The following LOXHD1 variants were observed in gnomAD, a reference collection of about 807,000 sequenced individuals.
The protein encoded by LOXHD1 is lipoxygenase homology PLAT domains 1.
In LOXHD1, 205 loss-of-function variants were observed where a neutral mutation model predicts 248.2. The observed-to-expected ratio is 0.83, with a 90% CI of 0.74 to 0.93. The LOEUF is 0.93. Ranked by LOEUF, LOXHD1 falls within the 40% of genes least tolerant of loss-of-function variation. The pLI, the probability that LOXHD1 is intolerant of heterozygous loss-of-function variation, is 0.00. For synonymous variants in LOXHD1, 1,113 were observed against 1,162.8 expected, an observed-to-expected ratio of 0.96 and a Z score of 0.87; for missense variants, 2,930 against 2,971.6, an observed-to-expected ratio of 0.99 and a Z score of 0.33.
chr18:46,542,559 T>C (rs559331058), intron 24 of LOXHD1, among the ~76,000 whole-genome samples, 168 bp downstream of exon 24: 45 of 152,330 alleles, frequency 3.0e-4, no homozygotes, highest in African/African-American at 1.1e-3. Context: ...AAACTCTGTG[T>C]GCAGCTGAGG....
At chr18:46,582,657 G>T (rs2037985641) in intron 12 of LOXHD1, among the ~76,000 whole-genome samples, 1 of 152,202 alleles carries the variant, frequency 6.6e-6, no homozygotes, top group Non-Finnish European at 1.5e-5. Flanking sequence ...AAAAGCCGGA[G>T]TGTGGTGGCC....
intron 5 of LOXHD1, among the ~76,000 whole-genome samples, chr18:46,611,732 A>T (rs935358530): frequency 6.6e-6 from 1 of 152,186 alleles, no homozygotes; most frequent in Non-Finnish European, 1.5e-5. Flanking sequence ...ACAGATACTA[A>T]CATTTTGTCC....
At chr18:46,649,383 A>G (rs2039078479) in intron 1 of LOXHD1, 114 bp from the exon 2 acceptor site, 1 of 817,454 alleles carries the variant, frequency 1.2e-6, no homozygotes, top group Non-Finnish European at 2.0e-6. Context: ...GACTCTTGGA[A>G]TCCCTGCTGC....
intron 38 of LOXHD1, among the ~76,000 whole-genome samples, chr18:46,488,622 G>A (rs1245649747): frequency 3.9e-5 from 6 of 152,152 alleles, no homozygotes; most frequent in African/African-American, 1.4e-4. Flanking sequence ...AGGAAGCGTT[G>A]ATTAGGCAGC....
rs1228604442 is a variant in LOXHD1, at chr18:46,577,814, C to A, written c.1863G>T (p.Arg621Ser). 1.9e-6 allele frequency: 3 copies of A among 1,551,584 alleles called. No individual in the cohort carries two copies. Among genetic ancestry groups the A allele is most frequent in the Non-Finnish European group, 2.6e-6 (3 of 1,147,006 alleles). Residue 621 changes from arginine (R) to serine (S), a missense_variant, in exon 14 of 41, where the codon AGG (arginine) becomes AGT (serine). By Grantham distance (110) the Arg-to-Ser change is moderately radical. Coordinates refer to ENST00000642948, the MANE Select transcript of LOXHD1 (RefSeq NM_001384474.1). ...SVTMRNVRRV[R>S]IRHDGKGSGS... ...CGGAGCCTTTGCCATCGTGTCTGAT[C>A]CTCACCCGCCTCACATTCCGCATGG...
At chr18:46,526,040 C>T (rs1454185679) in intron 29 of LOXHD1, among the ~76,000 whole-genome samples, 1 of 152,086 alleles carries the variant, frequency 6.6e-6, no homozygotes, top group Non-Finnish European at 1.5e-5. Context: ...AAGGCAGCTG[C>T]AGGTAAATAG....
intron 27 of LOXHD1, 138 bp downstream of exon 27, chr18:46,534,197 G>A: frequency 4.9e-6 from 3 of 614,084 alleles, no homozygotes; most frequent in Non-Finnish European, 8.6e-6. Flanking sequence ...CACTCTGAGT[G>A]AACTGGGTGA....
chr18:46,647,744 G>A (rs938591742), intron 2 of LOXHD1, among the ~76,000 whole-genome samples: 2 of 152,164 alleles, frequency 1.3e-5, no homozygotes, highest in South Asian at 2.1e-4. Flanking sequence ...CCCATGTCAC[G>A]TGGGGCCTGG....
intron 23 of LOXHD1, among the ~76,000 whole-genome samples, chr18:46,544,169 G>T (rs1244042628): frequency 6.6e-6 from 1 of 152,206 alleles, no homozygotes; most frequent in African/African-American, 2.4e-5. Flanking sequence ...ACTGGTTTAA[G>T]TATACAGAGA....
At chr18:46,551,947 G>GACACA (rs929785184) in intron 21 of LOXHD1, among the ~76,000 whole-genome samples, 14 of 152,230 alleles carry the variant, frequency 9.2e-5, no homozygotes, top group Non-Finnish European at 1.5e-5. Context: ...AAACAAGCTA[G>GACACA]ACACAAAAAG....
chr18:46,535,911 T>C (rs1409113902), intron 26 of LOXHD1, among the ~76,000 whole-genome samples: 3 of 152,072 alleles, frequency 2.0e-5, no homozygotes, highest in Non-Finnish European at 4.4e-5. Context: ...ATGTGGCCTT[T>C]AGGGGACAGC....
chr18:46,496,014 A>T (rs2033841855), intron 37 of LOXHD1, among the ~76,000 whole-genome samples: 1 of 152,226 alleles, frequency 6.6e-6, no homozygotes, highest in Admixed American at 6.5e-5. Context: ...CCTGGGTGAC[A>T]GAGTGAAACT....
chr18:46,622,116 T>C (rs541404587), intron 4 of LOXHD1, among the ~76,000 whole-genome samples: 3 of 152,336 alleles, frequency 2.0e-5, no homozygotes, highest in Non-Finnish European at 2.9e-5. Flanking sequence ...ATCCAGGGCT[T>C]TTCCCAGGAT....
At position 46,489,046 on chromosome 18, in the gene LOXHD1, C is replaced by T; in HGVS notation, c.5975G>A (p.Ser1992Asn). The change falls in exon 38 of 41, where the codon AGT becomes AAT. Residue 1992 changes from serine (S) to asparagine (N), a missense_variant. Transcript: ENST00000642948. ...GCGGACCGTCTGCCCGTCACCCTCA[C>T]TCTTGGAGAGCCAGCAGTCACACTG... ...HFQCDCWLSK[S>N]EGDGQTVRDF... 2 of 1,551,716 alleles carry T rather than the reference C, an allele frequency of 1.3e-6. No homozygotes were observed. Among genetic ancestry groups the T allele is most frequent in the Non-Finnish European group, 1.7e-6 (2 of 1,147,002 alleles).
chr18:46,512,947 T>C (rs1245614056), intron 34 of LOXHD1, among the ~76,000 whole-genome samples: 2 of 152,158 alleles, frequency 1.3e-5, no homozygotes, highest in African/African-American at 4.8e-5. Flanking sequence ...TAAAATAAGA[T>C]ATATGGCCTG....
downstream of LOXHD1, chr18:46,477,260 G>A (rs887313453): frequency 2.6e-6 from 2 of 767,812 alleles, no homozygotes; most frequent in African/African-American, 3.4e-5. Context: ...AATTATTTTT[G>A]GGCAGCCACA....
In LOXHD1 at chr18:46,594,345, T is replaced by C. The variant is rs1432525738; in HGVS notation, c.1256A>G (p.Lys419Arg). 4 of 1,551,570 alleles carry C rather than the reference T, an allele frequency of 2.6e-6. No individual in the cohort carries two copies. Among genetic ancestry groups the C allele is most frequent in the African/African-American group, 2.7e-5 (2 of 73,042 alleles). Residue 419 changes from lysine (K) to arginine (R), a missense_variant, in exon 9 of 41, where the codon AAG becomes AGG. Lys to Arg is a conservative substitution (Grantham distance 26). Transcript: ENST00000642948. ...RQLYEMVSLR[K>R]KRLKKFPWSL... ...CTCTCACTTACTTTTCAGCCGCTTC[T>C]TCCTGAGAGACACCATCTCATAGAG...
At chr18:46,492,108 A>T (rs1312592708) in intron 37 of LOXHD1, among the ~76,000 whole-genome samples, 1 of 152,018 alleles carries the variant, frequency 6.6e-6, no homozygotes, top group Non-Finnish European at 1.5e-5. Context: ...ACATGCAACT[A>T]TGAAACATCT....
Position 46,524,810 on chromosome 18 carries a change from C to T in LOXHD1, c.4638G>A (p.Glu1546=). Residue 1546 remains glutamate, a synonymous_variant, in exon 30 of 41, where the codon GAG becomes GAA. Coordinates refer to ENST00000642948, the MANE Select transcript of LOXHD1 (RefSeq NM_001384474.1). Reference sequence around the variant, plus strand: ...CGTCCTCGTTGGTGTCATTCCAGATCTCCACCTTCTCCACGTACCAGTCTG... The same window carrying T: ...CGTCCTCGTTGGTGTCATTCCAGATTTCCACCTTCTCCACGTACCAGTCTG... ...WCADWYVEKV[E]IWNDTNEDEF... The T allele has an allele frequency of 1.3e-6, 2 of 1,551,786 alleles. No individual in the cohort carries two copies. The highest frequency in any genetic ancestry group is 2.4e-5 in the South Asian group (2 of 84,062).
Sources: allele counts gnomAD v4.1 joint callset (sites outside exome capture counted in the v4.1 genomes callset), GRCh38; gene constraint gnomAD v4.1.1; transcripts MANE v1.5; gene names NCBI Gene and HGNC (gene_info 2026-07-23, HGNC 2026-07-21).